Variants in CAB39 observed in about 807,000 individuals in gnomAD.
The protein encoded by CAB39 is calcium binding protein 39.
CAB39 carries 8 observed loss-of-function variants against 40.0 expected under a neutral mutation model. That is an observed-to-expected ratio of 0.20 (90% confidence interval 0.12 to 0.36). CAB39 has a LOEUF of 0.36. Among genes scored for constraint, CAB39 ranks in the 10% least tolerant of loss-of-function variants. The pLI is 1.00. For missense variants in CAB39, 270 were observed against 401.1 expected, an observed-to-expected ratio of 0.67 and a Z score of 2.79; for synonymous variants, 156 against 141.6, an observed-to-expected ratio of 1.10 and a Z score of -0.72.
At chr2:230,739,556 G>A (rs927312555) in intron 1 of CAB39, among the ~76,000 whole-genome samples, 5 of 152,162 alleles carry the variant, frequency 3.3e-5, no homozygotes, top group African/African-American at 7.2e-5. Flanking sequence ...GTGGAATGGC[G>A]CGATCTCTGC....
intron 2 of CAB39, among the ~76,000 whole-genome samples, chr2:230,776,664 C>T (rs1017963337): frequency 6.6e-6 from 1 of 151,552 alleles, no homozygotes; most frequent in Admixed American, 6.6e-5. Flanking sequence ...GGTCATGGTT[C>T]CAGGTGCTCT....
chr2:230,805,936 G>A (rs1424538310), intron 5 of CAB39, among the ~76,000 whole-genome samples: 4 of 152,172 alleles, frequency 2.6e-5, no homozygotes, highest in African/African-American at 7.2e-5. Flanking sequence ...CTTATCAAAT[G>A]TGTAGATGTT....
At chr2:230,737,780 A>G (rs1694812383) in intron 1 of CAB39, among the ~76,000 whole-genome samples, 1 of 152,228 alleles carries the variant, frequency 6.6e-6, no homozygotes, top group African/African-American at 2.4e-5. Context: ...TCCCTTGGAT[A>G]TAAGATGCTT....
intron 1 of CAB39, among the ~76,000 whole-genome samples, chr2:230,740,079 A>T (rs530732749): frequency 1.3e-5 from 2 of 152,110 alleles, no homozygotes; most frequent in African/African-American, 4.8e-5. Flanking sequence ...CTATTTGGTG[A>T]CTCTTGTTTT....
intron 5 of CAB39, among the ~76,000 whole-genome samples, chr2:230,800,082 A>G (rs187220748): frequency 6.6e-6 from 1 of 152,166 alleles, no homozygotes; most frequent in Non-Finnish European, 1.5e-5. Context: ...TGATATGCAG[A>G]CGACCATGCT....
intron 1 of CAB39, chr2:230,725,437 G>A (rs1055902812): frequency 2.7e-5 from 41 of 1,543,108 alleles, no homozygotes; most frequent in East Asian, 2.3e-4. Context: ...TTCAGTTCCC[G>A]TAACGGTTCC....
chr2:230,771,794 A>G (rs987811141), intron 2 of CAB39, among the ~76,000 whole-genome samples: 1 of 152,242 alleles, frequency 6.6e-6, no homozygotes. Flanking sequence ...ATAGACCTAC[A>G]CATGTATGGA....
intron 2 of CAB39, among the ~76,000 whole-genome samples, chr2:230,767,902 A>C (rs573897915): frequency 3.9e-5 from 6 of 152,200 alleles, no homozygotes; most frequent in African/African-American, 1.4e-4. Context: ...ATATTTTTCA[A>C]GTCTTTGCTC....
Position 230,760,040 on chromosome 2 carries a change from A to C in CAB39, c.39A>C (p.Ala13=). ...TTGGGAAGTCTCACAAATCTCCAGC[A>C]GACATTGTGAAGAATCTGAAGGAGA... ...FPFGKSHKSP[A]DIVKNLKESM... is the part of the protein sequence containing the mutation. Residue 13 remains alanine, a synonymous_variant, in exon 2 of 9, where the codon GCA becomes GCC. Transcript: ENST00000258418. 6.2e-7 allele frequency: 1 copy of C among 1,613,884 alleles called. No individual in the cohort carries two copies. Among genetic ancestry groups the C allele is most frequent in the Non-Finnish European group, 8.5e-7 (1 of 1,179,724 alleles).
chr2:230,730,531 G>A (rs1432488858), intron 1 of CAB39, among the ~76,000 whole-genome samples: 2 of 149,390 alleles, frequency 1.3e-5, no homozygotes, highest in African/African-American at 2.5e-5. Context: ...TGCAACCTCC[G>A]CCTCCTGGGT....
At position 230,818,753 on chromosome 2, in the gene CAB39, C is replaced by G; in HGVS notation, c.*49C>G. ...ATCCAAATTCAGCATTTGCTGTTAG[C>G]TATTCAGCATCAGGCACTCTTATTG... On this transcript the variant is annotated 3_prime_UTR_variant, in exon 9 of 9. Transcript: ENST00000258418. The G allele has an allele frequency of 7.0e-7, 1 of 1,437,756 alleles. No homozygotes were observed. The highest frequency in any genetic ancestry group is 9.7e-7 in the Non-Finnish European group (1 of 1,028,768). 89.1% of individuals were successfully genotyped at this position (1,437,756 alleles called of 1,614,324 possible). A position where few individuals can be genotyped will look rare whatever the true frequency, so the allele number is the denominator to read the frequency against.
At chr2:230,811,964 T>C (rs1232331665) in intron 6 of CAB39, among the ~76,000 whole-genome samples, 1 of 152,192 alleles carries the variant, frequency 6.6e-6, no homozygotes, top group Non-Finnish European at 1.5e-5. Flanking sequence ...AGGCAACAAA[T>C]CTATAGAAAG....
chr2:230,736,373 C>T (rs963266955), intron 1 of CAB39, among the ~76,000 whole-genome samples: 1 of 152,134 alleles, frequency 6.6e-6, no homozygotes, highest in Non-Finnish European at 1.5e-5. Flanking sequence ...GTTTCCTTCT[C>T]TCTTTTTTTC....
chr2:230,785,668 A>G (rs1258847253), intron 2 of CAB39, among the ~76,000 whole-genome samples: 1 of 152,008 alleles, frequency 6.6e-6, no homozygotes, highest in Non-Finnish European at 1.5e-5. Context: ...CCACAATGCC[A>G]TTCAATTCAG....
Position 230,810,617 on chromosome 2 carries a change from C to T in CAB39, c.627+295C>T, listed in dbSNP as rs114066338. Among the ~76,000 whole-genome samples, 599 of 152,266 alleles carry T rather than the reference C, an allele frequency of 3.9e-3. 1 individual carries two copies. The highest frequency in any genetic ancestry group is 0.013 in the African/African-American group (551 of 41,542). On this transcript the variant is annotated intron_variant, in intron 6 of 8. Coordinates refer to ENST00000258418, the MANE Select transcript of CAB39 (RefSeq NM_016289.4). ...GTAGGAAAATTATCTGACTTTTTAACTTTTCCTTCCTTTTCCATCAGTTGC... is the reference window on the plus strand; with the variant it reads ...GTAGGAAAATTATCTGACTTTTTAATTTTTCCTTCCTTTTCCATCAGTTGC...
At chr2:230,716,282 AG>A (rs1346330820) in intron 1 of CAB39, among the ~76,000 whole-genome samples, 1 of 152,200 alleles carries the variant, frequency 6.6e-6, no homozygotes, top group Admixed American at 6.5e-5. Flanking sequence ...TATGCCACAC[AG>A]GGTCTTTATT....
At chr2:230,742,329 C>T (rs1397559730) in intron 1 of CAB39, among the ~76,000 whole-genome samples, 1 of 152,120 alleles carries the variant, frequency 6.6e-6, no homozygotes, top group Non-Finnish European at 1.5e-5. Context: ...CACCCGCCAC[C>T]ACGCCCGGCT....
At chr2:230,723,600 A>C (rs541048263) in intron 1 of CAB39, among the ~76,000 whole-genome samples, 161 of 152,212 alleles carry the variant, frequency 1.1e-3, no homozygotes, top group Non-Finnish European at 1.9e-3. Flanking sequence ...ACTGTCCTTG[A>C]AGGACCATGC....
intron 5 of CAB39, among the ~76,000 whole-genome samples, chr2:230,804,578 TG>T: frequency 6.6e-6 from 1 of 152,158 alleles, no homozygotes; most frequent in South Asian, 2.1e-4. Context: ...CATCAAAAAG[TG>T]GGCAAATGAT....
Sources: allele counts gnomAD v4.1 joint callset (sites outside exome capture counted in the v4.1 genomes callset), GRCh38; gene constraint gnomAD v4.1.1; transcripts MANE v1.5; gene names NCBI Gene and HGNC (gene_info 2026-07-23, HGNC 2026-07-21).